Variants in CNOT6L observed in about 807,000 individuals in gnomAD.
The protein encoded by CNOT6L is CCR4-NOT transcription complex subunit 6 like, also known as CCR4-NOT transcription complex subunit 6-like.
A neutral mutation model predicts 64.0 loss-of-function variants in CNOT6L; 7 were observed. The observed-to-expected ratio is 0.11, with a 90% CI of 0.06 to 0.21. CNOT6L has a LOEUF of 0.21. CNOT6L is among the 10% of genes least tolerant of loss of function. The pLI is 1.00. For missense variants in CNOT6L, 245 were observed against 669.0 expected (o/e 0.37, Z 6.99); for synonymous variants, 193 against 243.4 (o/e 0.79, Z 1.93).
At chr4:77,749,954 T>C (rs1724669491) in intron 5 of CNOT6L, among the ~76,000 whole-genome samples, 1 of 152,222 alleles carries the variant, frequency 6.6e-6, no homozygotes, top group Non-Finnish European at 1.5e-5. Flanking sequence ...GCATTGTTTA[T>C]ATTAACGAAA....
chr4:77,748,275 G>A, intron 6 of CNOT6L, 41 bp downstream of exon 6: 2 of 1,318,372 alleles, frequency 1.5e-6, no homozygotes, highest in Non-Finnish European at 2.2e-6. Context: ...AACATTTTAA[G>A]AATTTCTGAA....
At chr4:77,761,613 G>A (rs1039834720) in intron 4 of CNOT6L, among the ~76,000 whole-genome samples, 3 of 152,072 alleles carry the variant, frequency 2.0e-5, no homozygotes, top group African/African-American at 7.2e-5. Flanking sequence ...GCAAATGTGG[G>A]GAAGAAGGAA....
At chr4:77,779,836 C>T (rs910639866) in intron 1 of CNOT6L, among the ~76,000 whole-genome samples, 2 of 152,012 alleles carry the variant, frequency 1.3e-5, no homozygotes, top group East Asian at 1.9e-4. Context: ...TGGTCGCGGG[C>T]GCCTGTAGTC....
At chr4:77,751,557 T>C (rs113469674) in intron 5 of CNOT6L, among the ~76,000 whole-genome samples, 2 of 152,278 alleles carry the variant, frequency 1.3e-5, no homozygotes, top group African/African-American at 4.8e-5. Context: ...GTGAGTAAAC[T>C]TCAAATATCA....
intron 1 of CNOT6L, among the ~76,000 whole-genome samples, chr4:77,811,525 C>T (rs1364134922): frequency 6.6e-6 from 1 of 151,742 alleles, no homozygotes; most frequent in Non-Finnish European, 1.5e-5. Flanking sequence ...CCAGACTGGG[C>T]GATAGAGCAA....
intron 8 of CNOT6L, among the ~76,000 whole-genome samples, chr4:77,733,741 C>T (rs945963528): frequency 6.6e-6 from 1 of 151,926 alleles, no homozygotes; most frequent in Non-Finnish European, 1.5e-5. Flanking sequence ...ATTCTTCTCC[C>T]ATTTTTTCCA....
chr4:77,792,016 A>G (rs1417052803), intron 1 of CNOT6L, among the ~76,000 whole-genome samples: 1 of 152,190 alleles, frequency 6.6e-6, no homozygotes, highest in African/African-American at 2.4e-5. Flanking sequence ...AAATAAAATT[A>G]CCCAGAGTTA....
rs1387040725 is a variant in CNOT6L, at chr4:77,716,365, G to GA, written c.*4065dup. ...TGGGACACAGTCAATTTTATCATTA[G>GA]AAAATCTAGCCATGTATTAGGAATG... is the stretch of plus-strand genomic sequence containing the variant. On this transcript the variant is annotated 3_prime_UTR_variant, in exon 12 of 12. Transcript: ENST00000504123. The GA allele has an allele frequency of 6.6e-6, 1 of 152,028 alleles. No individual in the cohort carries two copies. The highest frequency in any genetic ancestry group is 2.4e-5 in the African/African-American group (1 of 41,434). 9.4% of individuals were successfully genotyped at this position (152,028 alleles called of 1,614,324 possible).
At chr4:77,743,016 T>A (rs2109944291) in intron 7 of CNOT6L, among the ~76,000 whole-genome samples, 1 of 152,262 alleles carries the variant, frequency 6.6e-6, no homozygotes, top group Non-Finnish European at 1.5e-5. Context: ...GTTCATATAA[T>A]TAATGAGTTT....
At chr4:77,758,966 G>A (rs1229236186) in intron 4 of CNOT6L, among the ~76,000 whole-genome samples, 1 of 151,866 alleles carries the variant, frequency 6.6e-6, no homozygotes, top group African/African-American at 2.4e-5. Flanking sequence ...GTCAACTCTG[G>A]CTCACTAAGG....
In CNOT6L at chr4:77,760,860, C is replaced by CTTTTTTTTTTT. The variant is rs754195745; in HGVS notation, c.401-3920_401-3910dup. Among the ~76,000 whole-genome samples the CTTTTTTTTTTT allele has an allele frequency of 3.2e-3, 97 of 29,982 alleles. 27 individuals carry two copies. Among genetic ancestry groups the CTTTTTTTTTTT allele is most frequent in the African/African-American group, 4.0e-3 (28 of 7,008 alleles). The allele number at this position is 29,982 out of a possible 152,430, so 19.7% of individuals were successfully genotyped here. A position where few individuals can be genotyped will look rare whatever the true frequency, so the allele number is the denominator to read the frequency against. The stretch of plus-strand genomic sequence containing the variant: ...TACAGGTGCACACCACCATGCCTGG[C>CTTTTTTTTTTT]TTTTTTTTTTTTTTTTTTTTTTTTT... On this transcript the variant is annotated intron_variant, in intron 4 of 11. Coordinates refer to ENST00000504123, the MANE Select transcript of CNOT6L (RefSeq NM_144571.3).
At position 77,780,135 on chromosome 4, in the gene CNOT6L, G is replaced by A. The variant is rs150712284; in HGVS notation, c.6-3743C>T. On this transcript the variant is annotated intron_variant, in intron 1 of 11. Coordinates refer to ENST00000504123, the MANE Select transcript of CNOT6L (RefSeq NM_144571.3). ...AAATTATGAAATAAATTATTCAAATGTAATTTAAATCTCTAAATGTGACAC... is the reference window on the plus strand; with the variant it reads ...AAATTATGAAATAAATTATTCAAATATAATTTAAATCTCTAAATGTGACAC... 3.0e-3 allele frequency among the ~76,000 whole-genome samples: 454 copies of A among 152,168 alleles called. 6 individuals are homozygous for A. Among genetic ancestry groups the A allele is most frequent in the South Asian group, 0.026 (125 of 4,824 alleles).
Position 77,761,047 on chromosome 4 carries a change from G to C in CNOT6L, c.401-4096C>G, listed in dbSNP as rs569041236. On this transcript the variant is annotated intron_variant, in intron 4 of 11. Coordinates refer to ENST00000504123, the MANE Select transcript of CNOT6L (RefSeq NM_144571.3). ...AGGAAATATTAAGAAAACTATATGTGTGTAAATTTAACAACTTAGAAGAAA... is the reference window on the plus strand; with the variant it reads ...AGGAAATATTAAGAAAACTATATGTCTGTAAATTTAACAACTTAGAAGAAA... Among the ~76,000 whole-genome samples, 4 of 151,726 alleles carry C rather than the reference G, an allele frequency of 2.6e-5. No individual in the cohort carries two copies. The East Asian group carries it at 7.7e-4, about 29-fold the overall frequency.
chr4:77,727,845 A>G (rs1011254876), intron 10 of CNOT6L, among the ~76,000 whole-genome samples: 5 of 152,234 alleles, frequency 3.3e-5, no homozygotes, highest in Admixed American at 3.3e-4. Context: ...AAACACTTAT[A>G]AACAATGATT....
intron 5 of CNOT6L, among the ~76,000 whole-genome samples, chr4:77,755,317 A>C (rs973815091): frequency 7.6e-6 from 1 of 131,538 alleles, no homozygotes; most frequent in Non-Finnish European, 1.5e-5. Flanking sequence ...CTCGGGTTCA[A>C]GCGATTCTCC....
intron 1 of CNOT6L, among the ~76,000 whole-genome samples, chr4:77,815,675 T>C (rs562146882): frequency 5.3e-5 from 8 of 152,292 alleles, no homozygotes; most frequent in African/African-American, 1.9e-4. Flanking sequence ...CTGTGACAAA[T>C]CTTGCCAATA....
intron 1 of CNOT6L, among the ~76,000 whole-genome samples, chr4:77,808,808 A>AT (rs890387729): frequency 3.9e-5 from 6 of 152,280 alleles, no homozygotes; most frequent in Admixed American, 3.3e-4. Context: ...TCTGTATGTC[A>AT]TAGCACTTAA....
intron 8 of CNOT6L, among the ~76,000 whole-genome samples, chr4:77,736,191 TCTCA>T (rs1432117679): frequency 6.6e-6 from 1 of 152,106 alleles, no homozygotes; most frequent in African/African-American, 2.4e-5. Context: ...GAGCACACAT[TCTCA>T]CTCAAGTTTT....
At chr4:77,742,570 C>T in intron 7 of CNOT6L, 1 of 429,290 alleles carries the variant, frequency 2.3e-6, no homozygotes, top group Non-Finnish European at 4.3e-6. Flanking sequence ...TCCCAATTTA[C>T]AGTTCACTCC....
Sources: gnomAD v4.1 joint callset for allele counts (sites outside exome capture counted in the v4.1 genomes callset) on GRCh38, gnomAD v4.1.1 for gene constraint, MANE v1.5 for transcripts, NCBI Gene and HGNC (gene_info 2026-07-23, HGNC 2026-07-21) for gene names.